The following COL24A1 variants were observed in gnomAD, a reference collection of about 807,000 sequenced individuals.
COL24A1 encodes the protein collagen type XXIV alpha 1 chain.
Under a neutral mutation model 253.9 loss-of-function variants are expected in COL24A1, and 224 were observed. That is an observed-to-expected ratio of 0.88 (90% CI 0.79 to 0.99). The LOEUF (loss-of-function observed/expected upper bound fraction) is 0.99, where lower values mean the gene tolerates loss of function less well. Among genes scored for constraint, COL24A1 ranks in the 50% least tolerant of loss-of-function variants. The pLI, the probability that COL24A1 is intolerant of heterozygous loss-of-function variation, is 0.00. For missense variants in COL24A1, 2,131 were observed against 2,068.5 expected (o/e 1.03, Z -0.59); for synonymous variants, 685 against 673.7 (o/e 1.02, Z -0.26).
intron 5 of COL24A1, among the ~76,000 whole-genome samples, chr1:86,092,545 T>G (rs1294281255): frequency 6.6e-6 from 1 of 151,964 alleles, no homozygotes. Context: ...CATAGTTGAT[T>G]TTTTAATCTA....
intron 57 of COL24A1, among the ~76,000 whole-genome samples, chr1:85,743,503 T>C (rs976525035): frequency 2.0e-5 from 3 of 152,200 alleles, no homozygotes; most frequent in African/African-American, 7.2e-5. Context: ...CCTGCTGTTT[T>C]GTTTTTCCTT....
chr1:85,736,406 T>G, intron 58 of COL24A1: 1 of 456,332 alleles, frequency 2.2e-6, no homozygotes, highest in Non-Finnish European at 4.4e-6. Context: ...TTTCCTTCTA[T>G]GATAATCCTA....
chr1:85,975,729 C>T (rs1692608427), intron 20 of COL24A1, among the ~76,000 whole-genome samples: 1 of 152,090 alleles, frequency 6.6e-6, no homozygotes, highest in Non-Finnish European at 1.5e-5. Context: ...TTAAGGATTT[C>T]ATAGATCCTC....
intron 5 of COL24A1, among the ~76,000 whole-genome samples, chr1:86,104,828 T>C (rs1704798707): frequency 2.0e-5 from 3 of 152,222 alleles, no homozygotes; most frequent in Admixed American, 2.0e-4. Flanking sequence ...CATAGGGTGG[T>C]AGCAGTGGGA....
At chr1:86,107,384 G>A (rs1705086327) in intron 5 of COL24A1, among the ~76,000 whole-genome samples, 2 of 152,096 alleles carry the variant, frequency 1.3e-5, no homozygotes, top group African/African-American at 4.8e-5. Context: ...GGATTATACA[G>A]TATAAAGCTT....
At chr1:85,950,614 T>C (rs927061844) in intron 24 of COL24A1, among the ~76,000 whole-genome samples, 8 of 152,190 alleles carry the variant, frequency 5.3e-5, no homozygotes. Context: ...TCAGGGGAAG[T>C]GTTCAGATTT....
intron 4 of COL24A1, among the ~76,000 whole-genome samples, chr1:86,114,053 T>C (rs1356663006): frequency 3.9e-5 from 6 of 152,022 alleles, no homozygotes; most frequent in Non-Finnish European, 8.8e-5. Context: ...GCCAAAACAA[T>C]AGCTTTAGGA....
intron 47 of COL24A1, among the ~76,000 whole-genome samples, chr1:85,787,577 G>A (rs1259451845): frequency 6.6e-6 from 1 of 152,120 alleles, no homozygotes; most frequent in Non-Finnish European, 1.5e-5. Flanking sequence ...ATTCCATGCT[G>A]TATATGTACC....
At chr1:85,985,513 T>C (rs1357710213) in intron 20 of COL24A1, among the ~76,000 whole-genome samples, 1 of 151,806 alleles carries the variant, frequency 6.6e-6, no homozygotes, top group Non-Finnish European at 1.5e-5. Flanking sequence ...AGTGACATGA[T>C]GAGATCTATA....
At chr1:86,053,802 C>T (rs1168857181) in intron 10 of COL24A1, among the ~76,000 whole-genome samples, 3 of 152,052 alleles carry the variant, frequency 2.0e-5, no homozygotes, top group Non-Finnish European at 2.9e-5. Flanking sequence ...CAACAAATAA[C>T]TGCCAATGAA....
At position 86,059,855 on chromosome 1, in the gene COL24A1, A is replaced by G. The variant is rs117377432; in HGVS notation, c.1753-681T>C. On this transcript the variant is annotated intron_variant, in intron 8 of 59. Coordinates refer to ENST00000370571, the MANE Select transcript of COL24A1 (RefSeq NM_152890.7). Reference sequence around the variant, plus strand: ...GAATGGGATAAATGACCTTATAAAGAGGCCATGTGAGAATACAATAAAAAG... The same window carrying G: ...GAATGGGATAAATGACCTTATAAAGGGGCCATGTGAGAATACAATAAAAAG... Among the ~76,000 whole-genome samples the G allele has an allele frequency of 3.4e-4, 52 of 152,250 alleles. No homozygotes were observed. In the East Asian group the frequency reaches 9.3e-3, roughly 27 times the overall value.
At chr1:85,865,948 G>T (rs1201163384) in intron 37 of COL24A1, among the ~76,000 whole-genome samples, 1 of 152,212 alleles carries the variant, frequency 6.6e-6, no homozygotes, top group Non-Finnish European at 1.5e-5. Flanking sequence ...CCATGGGTAA[G>T]CGAGGCTTAG....
chr1:85,919,436 T>C lies in COL24A1; in HGVS notation c.2563-8003A>G, dbSNP rs556717155. 4.1e-3 allele frequency among the ~76,000 whole-genome samples: 624 copies of C among 152,280 alleles called. 5 individuals carry two copies. In the Middle Eastern group the frequency reaches 0.051, roughly 12 times the overall value. Reference sequence around the variant, plus strand: ...GCTCATGCCTGTAATCCCAGCACTTTGGGAGGTTAAGGCAGGAGGATTGCT... The same window carrying C: ...GCTCATGCCTGTAATCCCAGCACTTCGGGAGGTTAAGGCAGGAGGATTGCT... On this transcript the variant is annotated intron_variant, in intron 24 of 59. Transcript: ENST00000370571.
rs555686284 is a variant in COL24A1, at chr1:86,037,438, A to G, written c.1951-3515T>C. Among the ~76,000 whole-genome samples the G allele has an allele frequency of 1.0e-3, 159 of 152,340 alleles. 1 individual carries two copies. The highest frequency in any genetic ancestry group is 9.8e-4 in the Admixed American group (15 of 15,296). On this transcript the variant is annotated intron_variant, in intron 12 of 59. Transcript: ENST00000370571. ...GTAAGCAGCTGTGTTGGAGAAGTCCATGTGGCCAGAAACTGTGGGTGACTC... is the reference window on the plus strand; with the variant it reads ...GTAAGCAGCTGTGTTGGAGAAGTCCGTGTGGCCAGAAACTGTGGGTGACTC...
intron 7 of COL24A1, among the ~76,000 whole-genome samples, chr1:86,078,544 T>C (rs887224483): frequency 5.9e-5 from 9 of 152,200 alleles, no homozygotes; most frequent in African/African-American, 1.7e-4. Context: ...TATGAAGTTA[T>C]AGCTGGTAAA....
At chr1:85,989,312 A>G (rs1694011655) in intron 19 of COL24A1, among the ~76,000 whole-genome samples, 1 of 152,010 alleles carries the variant, frequency 6.6e-6, no homozygotes, top group South Asian at 2.1e-4. Context: ...CAGATTTTTC[A>G]TATGCTTTGA....
intron 2 of COL24A1, among the ~76,000 whole-genome samples, chr1:86,145,633 A>C (rs1024841941): frequency 1.3e-5 from 2 of 152,142 alleles, no homozygotes; most frequent in Non-Finnish European, 2.9e-5. Context: ...ACTAGTAGGC[A>C]CAAACAAAAC....
At chr1:85,810,866 C>T (rs1672462245) in intron 47 of COL24A1, among the ~76,000 whole-genome samples, 1 of 152,132 alleles carries the variant, frequency 6.6e-6, no homozygotes, top group African/African-American at 2.4e-5. Flanking sequence ...ATAAATCACC[C>T]AGTCTCAGGT....
chr1:86,006,495 C>T (rs1695973627), intron 19 of COL24A1, among the ~76,000 whole-genome samples: 2 of 152,162 alleles, frequency 1.3e-5, no homozygotes, highest in South Asian at 4.1e-4. Flanking sequence ...GACCTTACAC[C>T]TGTCACAAAA....
Sources: allele counts gnomAD v4.1 joint callset (sites outside exome capture counted in the v4.1 genomes callset), GRCh38; gene constraint gnomAD v4.1.1; transcripts MANE v1.5; gene names NCBI Gene and HGNC (gene_info 2026-07-23, HGNC 2026-07-21).